The following PTPA variants were observed in gnomAD, a reference collection of about 807,000 sequenced individuals.
The protein encoded by PTPA is protein phosphatase 2 phosphatase activator, also known as serine/threonine-protein phosphatase 2A activator.
A neutral mutation model predicts 43.6 loss-of-function variants in PTPA; 13 were observed. That is an observed-to-expected ratio of 0.30 (90% CI 0.19 to 0.47). The LOEUF is 0.47. Ranked by LOEUF, PTPA falls within the 20% of genes least tolerant of loss-of-function variation. The pLI is 0.99. For missense variants in PTPA, 329 were observed against 411.9 expected (o/e 0.80, Z 1.74); for synonymous variants, 172 against 158.2 (o/e 1.09, Z -0.66).
intron 5 of PTPA, among the ~76,000 whole-genome samples, chr9:129,132,542 C>A (rs984190774): frequency 2.0e-5 from 3 of 152,134 alleles, no homozygotes; most frequent in Admixed American, 2.0e-4. Context: ...ACTCTGTTGC[C>A]CAGGCTGGAG....
chr9:129,131,782 T>A, intron 5 of PTPA, 143 bp downstream of exon 5: 1 of 798,536 alleles, frequency 1.3e-6, no homozygotes, highest in East Asian at 2.5e-5. Flanking sequence ...CCAGCTGGGG[T>A]TAGGGTGGCT....
At chr9:129,135,896 C>A (rs1259279280) in intron 6 of PTPA, among the ~76,000 whole-genome samples, 2 of 152,232 alleles carry the variant, frequency 1.3e-5, no homozygotes, top group African/African-American at 4.8e-5. Context: ...AGGCCCTGCC[C>A]AGGGTTTTAC....
intron 1 of PTPA, among the ~76,000 whole-genome samples, chr9:129,117,724 G>A (rs1467421907): frequency 7.0e-6 from 1 of 141,944 alleles, no homozygotes; most frequent in Admixed American, 7.3e-5. Context: ...TTTTAAGACA[G>A]TCTCACTCTG....
intron 7 of PTPA, 79 bp from the exon 8 acceptor site, chr9:129,137,513 G>T (rs937341554): frequency 1.6e-5 from 19 of 1,152,572 alleles, no homozygotes; most frequent in Non-Finnish European, 2.3e-5. Context: ...GGCCCCTGGG[G>T]GGGTGTGACT....
intron 9 of PTPA, 31 bp downstream of exon 9, chr9:129,142,583 C>G (rs1454424504): frequency 1.2e-6 from 2 of 1,613,288 alleles, no homozygotes; most frequent in East Asian, 2.2e-5. Flanking sequence ...GTGCCCGTCC[C>G]TGCTGCCGCA....
Position 129,131,551 on chromosome 9 carries a change from C to G in PTPA, c.372C>G (p.Val124=). The G allele has an allele frequency of 6.2e-7, 1 of 1,613,934 alleles. No homozygotes were observed. The highest frequency in any genetic ancestry group is 8.5e-7 in the Non-Finnish European group (1 of 1,180,026). Residue 124 remains valine (V), a synonymous_variant, in exon 5 of 10, where the codon GTC becomes GTG. Coordinates refer to ENST00000393370, the MANE Select transcript of PTPA (RefSeq NM_178000.3). The stretch of plus-strand genomic sequence containing the variant: ...CAGAAAACTTGGTGGCCACAGTGGT[C>G]CCTACCCATCTGGCAGCTGCTGTGC... ...EEAENLVATV[V]PTHLAAAVPE...
At chr9:129,113,614 A>G (rs751890747) in intron 1 of PTPA, among the ~76,000 whole-genome samples, 2 of 151,894 alleles carry the variant, frequency 1.3e-5, no homozygotes, top group Non-Finnish European at 2.9e-5. Flanking sequence ...TATTCAAAAT[A>G]CAAAAATTAG....
At chr9:129,134,603 C>T (rs1332252294) in intron 5 of PTPA, among the ~76,000 whole-genome samples, 192 bp from the exon 6 acceptor site, 2 of 152,114 alleles carry the variant, frequency 1.3e-5, no homozygotes, top group African/African-American at 2.4e-5. Context: ...CATGCACGGC[C>T]AGTACTGGTA....
At chr9:129,144,756 G>C (rs369273767) in intron 9 of PTPA, among the ~76,000 whole-genome samples, 1 of 120,742 alleles carries the variant, frequency 8.3e-6, no homozygotes, top group East Asian at 2.6e-4. Context: ...AAAAAAAAAA[G>C]ATCACCAAGT....
intron 8 of PTPA, 35 bp from the exon 9 acceptor site, chr9:129,142,410 A>C: frequency 6.5e-6 from 10 of 1,539,286 alleles, no homozygotes; most frequent in African/African-American, 1.4e-5. Flanking sequence ...CCCAGCCAGA[A>C]CCTGTCTCTT....
intron 9 of PTPA, among the ~76,000 whole-genome samples, chr9:129,146,807 T>C (rs989068664): frequency 2.6e-5 from 4 of 152,174 alleles, no homozygotes; most frequent in East Asian, 3.8e-4. Flanking sequence ...GCCTCCCCCG[T>C]GCTCAGCCAT....
At chr9:129,137,535 T>C (rs577854940) in intron 7 of PTPA, 57 bp from the exon 8 acceptor site, 850 of 1,419,584 alleles carry the variant, frequency 6.0e-4, no homozygotes, top group Admixed American at 7.7e-4. Context: ...CTGGGCCGGG[T>C]TGCCCAGGTA....
intron 7 of PTPA, 75 bp downstream of exon 7, chr9:129,136,670 GC>G (rs1850392711): frequency 1.4e-6 from 2 of 1,467,522 alleles, no homozygotes; most frequent in East Asian, 4.9e-5. Flanking sequence ...TGCCCCTCCT[GC>G]GCTCCCTCCT....
chr9:129,126,571 TTTG>T (rs1365683958), intron 3 of PTPA, among the ~76,000 whole-genome samples: 1 of 152,156 alleles, frequency 6.6e-6, no homozygotes. Flanking sequence ...GAGATTTATT[TTTG>T]TTGTTGTTGT....
chr9:129,137,737 T>G (rs1252764815), intron 8 of PTPA, 45 bp downstream of exon 8: 1 of 1,492,596 alleles, frequency 6.7e-7, no homozygotes, highest in Non-Finnish European at 9.2e-7. Context: ...GCCTCCAGGC[T>G]CAGATGAACC....
rs572764932 is a variant in PTPA at position 129,145,224 on chromosome 9, A to G, written c.895-2163A>G. On this transcript the variant is annotated intron_variant, in intron 9 of 9. Coordinates refer to ENST00000393370, the MANE Select transcript of PTPA (RefSeq NM_178000.3). The stretch of plus-strand genomic sequence containing the variant: ...TGCGCACCTGTAATTCCAGCTACTC[A>G]GGAGGCTGAGGCAGGACAGTCACTT... Among the ~76,000 whole-genome samples, 4 of 147,452 alleles carry G rather than the reference A, an allele frequency of 2.7e-5. No individual in the cohort carries two copies. In the South Asian group the frequency reaches 8.7e-4, roughly 32 times the overall value.
At chr9:129,111,072 G>C (rs749301585), upstream of PTPA, 1 of 1,366,262 alleles carries the variant, frequency 7.3e-7, no homozygotes, top group East Asian at 4.5e-5. Flanking sequence ...TGGTGTCCTT[G>C]AGCCTAACTC....
intron 1 of PTPA, among the ~76,000 whole-genome samples, chr9:129,114,340 T>C (rs1848733447): frequency 6.6e-6 from 1 of 152,230 alleles, no homozygotes. Flanking sequence ...CTTAATGTAA[T>C]GATGAAAACT....
intron 1 of PTPA, among the ~76,000 whole-genome samples, chr9:129,117,054 G>A (rs1274095471): frequency 6.6e-6 from 1 of 152,006 alleles, no homozygotes; most frequent in African/African-American, 2.4e-5. Flanking sequence ...TGATATTTGG[G>A]TTGTTTCTAA....
Sources: gnomAD v4.1 joint callset for allele counts (sites outside exome capture counted in the v4.1 genomes callset) on GRCh38, gnomAD v4.1.1 for gene constraint, MANE v1.5 for transcripts, NCBI Gene and HGNC (gene_info 2026-07-23, HGNC 2026-07-21) for gene names.